Variants in STK24 observed in about 807,000 individuals in gnomAD.
STK24 encodes the protein serine/threonine-protein kinase 24.
Under a neutral mutation model 55.6 loss-of-function variants are expected in STK24, and 21 were observed. The ratio of observed to expected loss-of-function variants is 0.38; its 90% CI spans 0.27 to 0.54. The LOEUF (loss-of-function observed/expected upper bound fraction) is 0.54, where lower values mean the gene tolerates loss of function less well. STK24 is among the 20% of genes least tolerant of loss of function. STK24 has a pLI of 0.79. For missense variants in STK24, 383 were observed against 538.4 expected (o/e 0.71, Z 2.86); for synonymous variants, 200 against 215.2 (o/e 0.93, Z 0.62).
chr13:98,512,576 T>G (rs1325782757), intron 2 of STK24, among the ~76,000 whole-genome samples: 1 of 151,928 alleles, frequency 6.6e-6, no homozygotes, highest in South Asian at 2.1e-4. Flanking sequence ...AGTAAGTTTT[T>G]TTTTTTTTTT....
intron 2 of STK24, among the ~76,000 whole-genome samples, chr13:98,495,958 A>G (rs556336078): frequency 6.6e-6 from 1 of 152,324 alleles, no homozygotes; most frequent in South Asian, 2.1e-4. Flanking sequence ...CCTGCACACT[A>G]AAGATTTTTC....
chr13:98,496,900 G>A (rs373195181), intron 2 of STK24, among the ~76,000 whole-genome samples: 11 of 152,232 alleles, frequency 7.2e-5, no homozygotes, highest in African/African-American at 2.2e-4. Flanking sequence ...AGAAAACAAC[G>A]CAGAGAAGTC....
intron 2 of STK24, among the ~76,000 whole-genome samples, chr13:98,486,610 T>C (rs1894816430): frequency 6.6e-6 from 1 of 152,196 alleles, no homozygotes. Context: ...CCCCTGGCTC[T>C]GTCCACTAGA....
intron 2 of STK24, among the ~76,000 whole-genome samples, chr13:98,494,025 G>T (rs1895145971): frequency 6.6e-6 from 1 of 150,376 alleles, no homozygotes. Flanking sequence ...TGTATTTTTA[G>T]TACAGACGGG....
chr13:98,490,028 A>G (rs1184064169), intron 2 of STK24, among the ~76,000 whole-genome samples: 1 of 152,320 alleles, frequency 6.6e-6, no homozygotes, highest in South Asian at 2.1e-4. Flanking sequence ...ACAGGCATGG[A>G]AAGAAGAGAA....
rs1223604957 is a variant in STK24, at chr13:98,542,305, G to A, written c.43-22832C>T. ...AAACCTAAATAAATATTGCTGAGTAGGGACCATTCCAGCCAACTCTCTCGT... is the reference window on the plus strand; with the variant it reads ...AAACCTAAATAAATATTGCTGAGTAAGGACCATTCCAGCCAACTCTCTCGT... On this transcript the variant is annotated intron_variant, in intron 1 of 10. Coordinates refer to ENST00000539966, the MANE Select transcript of STK24 (RefSeq NM_001032296.4). Among the ~76,000 whole-genome samples the A allele has an allele frequency of 2.6e-5, 4 of 152,256 alleles. No homozygotes were observed. In the East Asian group the frequency reaches 5.8e-4, roughly 22 times the overall value.
chr13:98,510,586 T>C (rs1430583416), intron 2 of STK24, among the ~76,000 whole-genome samples: 1 of 152,246 alleles, frequency 6.6e-6, no homozygotes, highest in East Asian at 1.9e-4. Flanking sequence ...TGGAACATTA[T>C]TCAGCAATAA....
chr13:98,510,540 GATAA>G (rs546220572), intron 2 of STK24, among the ~76,000 whole-genome samples: 2 of 152,156 alleles, frequency 1.3e-5, no homozygotes, highest in East Asian at 1.9e-4. Flanking sequence ...TCCACCAACT[GATAA>G]ATAGATAACA....
intron 2 of STK24, among the ~76,000 whole-genome samples, chr13:98,507,156 T>A (rs1360947211): frequency 6.6e-6 from 1 of 152,214 alleles, no homozygotes; most frequent in Non-Finnish European, 1.5e-5. Flanking sequence ...ATGGCTGAAC[T>A]ATTGAATAAA....
intron 1 of STK24, among the ~76,000 whole-genome samples, chr13:98,562,757 T>C (rs148434565): frequency 4.6e-4 from 70 of 151,060 alleles, no homozygotes; most frequent in African/African-American, 1.6e-3. Flanking sequence ...CTACTAAAAA[T>C]ACAAAAAAAT....
chr13:98,534,790 T>C (rs1896666806), intron 1 of STK24, among the ~76,000 whole-genome samples: 1 of 152,172 alleles, frequency 6.6e-6, no homozygotes, highest in Non-Finnish European at 1.5e-5. Context: ...CCAATCAGCA[T>C]TCCCCACTTC....
intron 2 of STK24, among the ~76,000 whole-genome samples, chr13:98,493,034 C>G (rs979038582): frequency 6.6e-6 from 1 of 152,158 alleles, no homozygotes; most frequent in African/African-American, 2.4e-5. Flanking sequence ...GAACTCTAAT[C>G]TGACTGTCCA....
intron 1 of STK24, chr13:98,521,682 C>T (rs1401792476): frequency 1.8e-5 from 13 of 706,036 alleles, no homozygotes; most frequent in South Asian, 6.3e-5. Flanking sequence ...TTCGGGGATG[C>T]GGGGGAAGCA....
At chr13:98,509,102 G>A (rs1895791136) in intron 2 of STK24, 1 of 152,152 alleles carries the variant, frequency 6.6e-6, no homozygotes, top group South Asian at 2.1e-4. Flanking sequence ...CTAGAAAATT[G>A]AAAGGGAATT....
At chr13:98,546,423 TA>T (rs929903345) in intron 1 of STK24, among the ~76,000 whole-genome samples, 19 of 150,442 alleles carry the variant, frequency 1.3e-4, no homozygotes, top group Admixed American at 4.0e-4. Context: ...AATTTTGCTT[TA>T]AAAAAAAAAT....
chr13:98,456,997 T>C (rs1893488634), intron 10 of STK24, 171 bp downstream of exon 10: 1 of 808,790 alleles, frequency 1.2e-6, no homozygotes, highest in Non-Finnish European at 1.9e-6. Flanking sequence ...TCATTCACAT[T>C]GATTTCTAGA....
At chr13:98,516,999 T>C (rs1277274548) in intron 2 of STK24, among the ~76,000 whole-genome samples, 6 of 152,236 alleles carry the variant, frequency 3.9e-5, no homozygotes, top group Non-Finnish European at 7.3e-5. Flanking sequence ...GTGGCCGCTA[T>C]ATTTGGCCAC....
At chr13:98,457,388 G>C (rs547560374) in intron 9 of STK24, 84 bp from the exon 10 acceptor site, 67 of 1,598,482 alleles carry the variant, frequency 4.2e-5, no homozygotes, top group Middle Eastern at 1.7e-4. Flanking sequence ...ACAACACGGC[G>C]TGTGGACCAC....
chr13:98,487,657 C>T (rs1041631401), intron 2 of STK24, among the ~76,000 whole-genome samples: 1 of 152,132 alleles, frequency 6.6e-6, no homozygotes, highest in African/African-American at 2.4e-5. Flanking sequence ...TTGCTTTTTA[C>T]CTAAAGTTTC....
Sources: allele counts gnomAD v4.1 joint callset (sites outside exome capture counted in the v4.1 genomes callset), GRCh38; gene constraint gnomAD v4.1.1; transcripts MANE v1.5; gene names NCBI Gene and HGNC (gene_info 2026-07-23, HGNC 2026-07-21).